ATL1: variants seen among roughly 807,000 people sequenced by gnomAD.
The protein encoded by ATL1 is atlastin-1.
In ATL1, 31 loss-of-function variants were observed where a neutral mutation model predicts 75.5. That is an observed-to-expected ratio of 0.41 (90% CI 0.31 to 0.55). The LOEUF is 0.55. Among genes scored for constraint, ATL1 ranks in the 20% least tolerant of loss-of-function variants. ATL1 has a pLI of 0.27. For synonymous variants in ATL1, 226 were observed against 233.3 expected, an observed-to-expected ratio of 0.97 and a Z score of 0.28; for missense variants, 405 against 662.6, an observed-to-expected ratio of 0.61 and a Z score of 4.27.
At chr14:50,553,667 C>T (rs1255982327) in intron 1 of ATL1, among the ~76,000 whole-genome samples, 1 of 152,152 alleles carries the variant, frequency 6.6e-6, no homozygotes, top group East Asian at 1.9e-4. Context: ...TTTGTAGCAG[C>T]ACAATTCACA....
At chr14:50,615,896 C>T (rs777001098) in intron 8 of ATL1, among the ~76,000 whole-genome samples, 1 of 152,218 alleles carries the variant, frequency 6.6e-6, no homozygotes, top group African/African-American at 2.4e-5. Flanking sequence ...CTGCAGTATA[C>T]AGCTACAGCT....
intron 2 of ATL1, among the ~76,000 whole-genome samples, chr14:50,589,723 A>G (rs2039138068): frequency 6.6e-6 from 1 of 152,220 alleles, no homozygotes; most frequent in Non-Finnish European, 1.5e-5. Flanking sequence ...GAGCCAGATA[A>G]TAGAACAAAT....
rs1385722553 is a variant in ATL1, at chr14:50,629,582, C to CAA, written c.1552-413_1552-412insAA. The stretch of plus-strand genomic sequence containing the variant: ...GGCAACAAGAGTGAAGCTCCATCTC[C>CAA]CAAAAAAAAAAAAAAAAACCCTACT... On this transcript the variant is annotated intron_variant, in intron 12 of 13. Transcript: ENST00000358385. 7.3e-3 allele frequency among the ~76,000 whole-genome samples: 1,012 copies of CAA among 138,064 alleles called. 11 individuals carry two copies. The highest frequency in any genetic ancestry group is 9.3e-3 in the Non-Finnish European group (608 of 65,446). 90.6% of individuals were successfully genotyped at this position (138,064 alleles called of 152,430 possible).
chr14:50,551,989 A>T (rs1480793536), intron 1 of ATL1, among the ~76,000 whole-genome samples: 1 of 152,222 alleles, frequency 6.6e-6, no homozygotes, highest in Non-Finnish European at 1.5e-5. Context: ...TCTACTCAAC[A>T]TAGTACTGGA....
rs1478509438 is a variant in ATL1, at chr14:50,534,311, G to C, written c.-140+944G>C. On this transcript the variant is annotated intron_variant, in intron 1 of 13. Coordinates refer to the ATL1 transcript ENST00000441560. ...TAAAGAGAAGGAAAATACGAAACCA[G>C]AACAGTGTGACAAATCGGCCAACCA... Among the ~76,000 whole-genome samples, 7 of 152,336 alleles carry C rather than the reference G, an allele frequency of 4.6e-5. No homozygotes were observed. The East Asian group carries it at 1.3e-3, about 29-fold the overall frequency.
At chr14:50,569,005 A>G (rs1435414120) in intron 1 of ATL1, among the ~76,000 whole-genome samples, 1 of 152,126 alleles carries the variant, frequency 6.6e-6, no homozygotes, top group Non-Finnish European at 1.5e-5. Flanking sequence ...TCATAAAAGT[A>G]TACATATTGT....
chr14:50,568,877 A>T (rs532277713), intron 1 of ATL1, among the ~76,000 whole-genome samples: 1 of 152,042 alleles, frequency 6.6e-6, no homozygotes, highest in Non-Finnish European at 1.5e-5. Flanking sequence ...CATGGAGATT[A>T]CATTTAACAT....
At chr14:50,568,818 C>T (rs899227427) in intron 1 of ATL1, among the ~76,000 whole-genome samples, 1 of 151,400 alleles carries the variant, frequency 6.6e-6, no homozygotes, top group African/African-American at 2.4e-5. Flanking sequence ...TTTTAATTCG[C>T]TTATCATTTC....
chr14:50,556,378 G>T (rs1170650880), upstream of ATL1, among the ~76,000 whole-genome samples: 2 of 152,136 alleles, frequency 1.3e-5, no homozygotes, highest in East Asian at 3.9e-4. Context: ...ACTGCACCTG[G>T]CTAGTTTTTC....
chr14:50,593,273 C>A (rs1016708481), intron 4 of ATL1, among the ~76,000 whole-genome samples: 20 of 151,916 alleles, frequency 1.3e-4, no homozygotes, highest in African/African-American at 4.8e-4. Context: ...GTATACAGAG[C>A]ATTCTTTTTA....
At chr14:50,609,572 A>G (rs60393180) in intron 6 of ATL1, among the ~76,000 whole-genome samples, 1,783 of 152,116 alleles carry the variant, frequency 0.012, 32 homozygotes, top group African/African-American at 0.041. Context: ...ACAAGGAGAT[A>G]TGGATATAAT....
At chr14:50,561,285 G>A (rs1251441291) in intron 1 of ATL1, among the ~76,000 whole-genome samples, 2 of 152,256 alleles carry the variant, frequency 1.3e-5, no homozygotes, top group Non-Finnish European at 2.9e-5. Context: ...TGCAGTCACA[G>A]TGCTAAACTC....
At chr14:50,541,368 A>G (rs982358375) in intron 1 of ATL1, among the ~76,000 whole-genome samples, 6 of 152,228 alleles carry the variant, frequency 3.9e-5, no homozygotes, top group African/African-American at 1.4e-4. Context: ...CACTAATACC[A>G]GAGAACGAGA....
chr14:50,543,463 A>T (rs2038591521), intron 1 of ATL1, among the ~76,000 whole-genome samples: 1 of 152,226 alleles, frequency 6.6e-6, no homozygotes, highest in Non-Finnish European at 1.5e-5. Flanking sequence ...TCATGGGCTT[A>T]TGGAATGCCT....
intron 1 of ATL1, among the ~76,000 whole-genome samples, chr14:50,561,957 C>T (rs1241086074): frequency 6.6e-6 from 1 of 152,152 alleles, no homozygotes. Context: ...ACCCTGTTAA[C>T]AGAAGCATGT....
intron 1 of ATL1, among the ~76,000 whole-genome samples, chr14:50,536,934 G>A (rs1472838382): frequency 6.6e-6 from 1 of 152,214 alleles, no homozygotes; most frequent in African/African-American, 2.4e-5. Context: ...CAATACAATG[G>A]AAAAGAAAAT....
At chr14:50,587,190 C>T (rs1033492940) in intron 1 of ATL1, among the ~76,000 whole-genome samples, 1 of 152,038 alleles carries the variant, frequency 6.6e-6, no homozygotes, top group Non-Finnish European at 1.5e-5. Flanking sequence ...AAAGTGTGAA[C>T]TACAACCATT....
At chr14:50,558,849 AT>A (rs1257437439), upstream of ATL1, among the ~76,000 whole-genome samples, 1 of 152,234 alleles carries the variant, frequency 6.6e-6, no homozygotes, top group Non-Finnish European at 1.5e-5. Context: ...CATTAATGTC[AT>A]TTCAACTCTG....
chr14:50,622,845 C>T (rs2039480837), intron 10 of ATL1, among the ~76,000 whole-genome samples: 1 of 152,044 alleles, frequency 6.6e-6, no homozygotes, highest in Non-Finnish European at 1.5e-5. Context: ...ATAAAATGTA[C>T]TATGTATTAT....
Sources: gnomAD v4.1 joint callset for allele counts (sites outside exome capture counted in the v4.1 genomes callset) on GRCh38, gnomAD v4.1.1 for gene constraint, MANE v1.5 for transcripts, NCBI Gene and HGNC (gene_info 2026-07-23, HGNC 2026-07-21) for gene names.